Variants in ADAMTS20 observed in about 807,000 individuals in gnomAD.
ADAMTS20 encodes the protein ADAM metallopeptidase with thrombospondin type 1 motif 20, also known as A disintegrin and metalloproteinase with thrombospondin motifs 20.
A neutral mutation model predicts 260.1 loss-of-function variants in ADAMTS20; 225 were observed. That is an observed-to-expected ratio of 0.87 (90% confidence interval 0.78 to 0.97). The LOEUF (loss-of-function observed/expected upper bound fraction) is 0.97, where lower values mean the gene tolerates loss of function less well. Among genes scored for constraint, ADAMTS20 ranks in the 50% least tolerant of loss-of-function variants. The pLI, the probability that ADAMTS20 is intolerant of heterozygous loss-of-function variation, is 0.00. For synonymous variants in ADAMTS20, 802 were observed against 769.5 expected (o/e 1.04, Z -0.70); for missense variants, 2,400 against 2,337.7 (o/e 1.03, Z -0.55).
intron 3 of ADAMTS20, 149 bp downstream of exon 3, chr12:43,531,887 G>T: frequency 1.9e-6 from 1 of 523,342 alleles, no homozygotes; most frequent in Non-Finnish European, 2.8e-6. Flanking sequence ...TGTCATACAT[G>T]CTAAACATAC....
intron 3 of ADAMTS20, among the ~76,000 whole-genome samples, chr12:43,528,362 A>C (rs1429982404): frequency 3.4e-5 from 5 of 147,816 alleles, no homozygotes; most frequent in African/African-American, 7.4e-5. Flanking sequence ...AAAAAAAAAA[A>C]AAAAAAAAAA....
At chr12:43,414,601 A>C (rs550011253) in intron 28 of ADAMTS20, among the ~76,000 whole-genome samples, 1 of 152,274 alleles carries the variant, frequency 6.6e-6, no homozygotes, top group Non-Finnish European at 1.5e-5. Flanking sequence ...CAATTTAGCC[A>C]TCAGAGAAAT....
chr12:43,419,219 T>C (rs1032777381), intron 28 of ADAMTS20, among the ~76,000 whole-genome samples: 9 of 152,132 alleles, frequency 5.9e-5, no homozygotes, highest in African/African-American at 2.2e-4. Context: ...GTGCAATGTA[T>C]GACTATATAA....
At chr12:43,416,654 G>A (rs1480297217) in intron 28 of ADAMTS20, among the ~76,000 whole-genome samples, 1 of 151,718 alleles carries the variant, frequency 6.6e-6, no homozygotes, top group Non-Finnish European at 1.5e-5. Flanking sequence ...CCGAGTAGCT[G>A]GGACTACAGG....
chr12:43,511,637 C>G (rs1421441485), intron 3 of ADAMTS20, among the ~76,000 whole-genome samples: 6 of 152,004 alleles, frequency 3.9e-5, no homozygotes, highest in Admixed American at 3.9e-4. Flanking sequence ...AGGGTAGGAA[C>G]AATAATTGTG....
At chr12:43,376,413 C>G in intron 33 of ADAMTS20, 83 bp from the exon 34 acceptor site, 2 of 1,443,236 alleles carry the variant, frequency 1.4e-6, no homozygotes, top group South Asian at 1.3e-5. Context: ...TTGCTACACT[C>G]TGAATATCTG....
chr12:43,439,720 T>C lies in ADAMTS20; in HGVS notation c.2495A>G (p.Asp832Gly). 1.2e-6 allele frequency: 2 copies of C among 1,613,488 alleles called. No individual in the cohort carries two copies. The highest frequency in any genetic ancestry group is 2.2e-5 in the East Asian group (1 of 44,866). ...VLCVGNLYNP[D>G]VHYSFNIPLE... The stretch of plus-strand genomic sequence containing the variant: ...AGGGATATTGAAGGAATAATGTACA[T>C]CAGGGTTGTATAAATTACCCACACA... The change falls in exon 18 of 39, where the codon GAT becomes GGT. Residue 832 changes from aspartate (D) to glycine (G), a missense_variant. Asp to Gly is a moderately conservative substitution (Grantham distance 94). Transcript: ENST00000389420.
chr12:43,429,668 T>G lies in ADAMTS20; in HGVS notation c.3438A>C (p.Pro1146=). 1 of 1,600,834 alleles carries G rather than the reference T, an allele frequency of 6.2e-7. No individual in the cohort carries two copies. The highest frequency in any genetic ancestry group is 8.5e-7 in the Non-Finnish European group (1 of 1,172,724). The stretch of plus-strand genomic sequence containing the variant: ...GTGCCATCTTTTTTATGAGAACAGT[T>G]GGTAATAAAGCGGTCTCAAGTTTAG... The part of the protein sequence containing the change: ...FISKLETALL[P]TVLIKKMAQW... Residue 1146 remains proline, a synonymous_variant, in exon 24 of 39, where the codon CCA becomes CCC. Transcript: ENST00000389420.
chr12:43,538,062 G>C (rs1943321929), intron 2 of ADAMTS20, among the ~76,000 whole-genome samples: 3 of 152,146 alleles, frequency 2.0e-5, no homozygotes, highest in African/African-American at 7.2e-5. Context: ...TCATATGGTA[G>C]CTCTACTTTT....
chr12:43,427,976 CTTTTGT>C (rs1438275093), intron 26 of ADAMTS20, among the ~76,000 whole-genome samples: 1 of 152,044 alleles, frequency 6.6e-6, no homozygotes, highest in Admixed American at 6.5e-5. Context: ...AAAGCATTTT[CTTTTGT>C]TTTTATTACA....
intron 2 of ADAMTS20, among the ~76,000 whole-genome samples, chr12:43,535,569 T>G (rs192998152): frequency 9.5e-4 from 144 of 152,316 alleles, no homozygotes; most frequent in African/African-American, 3.1e-3. Context: ...GATATGTTCA[T>G]CACATGATGA....
chr12:43,427,335 T>G lies in ADAMTS20; in HGVS notation c.4080A>C (p.Pro1360=). ...CTCCCCAATTTCCGTAGTTCCACTGTGGACAAGGCCCTGGACCACATTGCT... is the reference window on the plus strand; with the variant it reads ...CTCCCCAATTTCCGTAGTTCCACTGGGGACAAGGCCCTGGACCACATTGCT... The part of the protein sequence containing the change: ...ELQQCGPGPC[P]QWNYGNWGEC... The change falls in exon 27 of 39, where the codon CCA becomes CCC. Residue 1360 remains proline (P), a synonymous_variant. Coordinates refer to ENST00000389420, the MANE Select transcript of ADAMTS20 (RefSeq NM_025003.5). The G allele has an allele frequency of 6.2e-7, 1 of 1,613,570 alleles. No individual in the cohort carries two copies. The highest frequency in any genetic ancestry group is 8.5e-7 in the Non-Finnish European group (1 of 1,179,742).
chr12:43,550,929 C>G lies in ADAMTS20; in HGVS notation c.433G>C (p.Val145Leu), dbSNP rs767666099. The G allele has an allele frequency of 7.2e-5, 114 of 1,573,590 alleles. No homozygotes were observed. The highest frequency in any genetic ancestry group is 9.2e-5 in the Non-Finnish European group (106 of 1,156,202). The change falls in exon 2 of 39, where the codon GTC (valine) becomes CTC (leucine). Residue 145 changes from valine (V) to leucine (L), a missense_variant. Coordinates refer to ENST00000389420, the MANE Select transcript of ADAMTS20 (RefSeq NM_025003.5). The part of the protein sequence containing the change: ...VNSQEDYKAV[V>L]SLCGGLTGTF... ...CTCACCAGGCCTCCGCATAAGCTGA[C>G]GACGGCCTTGTAATCCTCCTGTGAG...
intron 31 of ADAMTS20, among the ~76,000 whole-genome samples, chr12:43,381,281 A>G (rs1256841207): frequency 6.6e-6 from 1 of 152,190 alleles, no homozygotes; most frequent in African/African-American, 2.4e-5. Context: ...ATAGATATAT[A>G]TCTTTGTGAG....
Position 43,362,198 on chromosome 12 carries a change from C to G in ADAMTS20, c.5539-5610G>C, listed in dbSNP as rs140297834. ...AGAGTTGAAATGGATGTGTCACCAACAAAAGACATCCACATATCAAGGAAA... is the reference window on the plus strand; with the variant it reads ...AGAGTTGAAATGGATGTGTCACCAAGAAAAGACATCCACATATCAAGGAAA... On this transcript the variant is annotated intron_variant, in intron 37 of 38. Coordinates refer to ENST00000389420, the MANE Select transcript of ADAMTS20 (RefSeq NM_025003.5). 6.6e-5 allele frequency among the ~76,000 whole-genome samples: 10 copies of G among 152,270 alleles called. No individual in the cohort carries two copies. The East Asian group carries it at 1.9e-3, about 29-fold the overall frequency.
chr12:43,531,790 A>G (rs1014548817), intron 3 of ADAMTS20, among the ~76,000 whole-genome samples: 11 of 152,170 alleles, frequency 7.2e-5, no homozygotes, highest in Non-Finnish European at 1.5e-4. Flanking sequence ...TCACCACAAA[A>G]AAAAGAAAAA....
intron 31 of ADAMTS20, among the ~76,000 whole-genome samples, chr12:43,382,711 T>A (rs992465486): frequency 6.6e-6 from 1 of 152,070 alleles, no homozygotes; most frequent in Non-Finnish European, 1.5e-5. Context: ...TGGAAAATTT[T>A]ACCTACAAAA....
intron 28 of ADAMTS20, among the ~76,000 whole-genome samples, chr12:43,411,517 A>G (rs999979325): frequency 1.3e-5 from 2 of 151,840 alleles, no homozygotes; most frequent in African/African-American, 4.8e-5. Flanking sequence ...ACAGGCGCCC[A>G]CCACCACGCC....
chr12:43,439,828 TA>T, intron 17 of ADAMTS20, 68 bp downstream of exon 17: 1 of 1,554,972 alleles, frequency 6.4e-7, no homozygotes, highest in Non-Finnish European at 8.7e-7. Flanking sequence ...TTGATAATGT[TA>T]AGCACTTAAC....
Sources: allele counts gnomAD v4.1 joint callset (sites outside exome capture counted in the v4.1 genomes callset), GRCh38; gene constraint gnomAD v4.1.1; transcripts MANE v1.5; gene names NCBI Gene and HGNC (gene_info 2026-07-23, HGNC 2026-07-21).